The following STXBP5 variants were observed in gnomAD, a reference collection of about 807,000 sequenced individuals.
STXBP5 encodes syntaxin-binding protein 5.
STXBP5 carries 50 observed loss-of-function variants against 152.4 expected under a neutral mutation model. The ratio of observed to expected loss-of-function variants is 0.33; its 90% confidence interval spans 0.26 to 0.42. STXBP5 has a LOEUF of 0.42. STXBP5 is among the 10% of genes least tolerant of loss of function. The pLI, the probability that STXBP5 is intolerant of heterozygous loss-of-function variation, is 1.00. For missense variants in STXBP5, 1,167 were observed against 1,388.6 expected (o/e 0.84, Z 2.54); for synonymous variants, 492 against 494.7 (o/e 0.99, Z 0.07).
intron 11 of STXBP5, 68 bp downstream of exon 11, chr6:147,311,595 C>CTA: frequency 8.4e-7 from 1 of 1,195,312 alleles, no homozygotes; most frequent in Non-Finnish European, 1.2e-6. Context: ...TTTATCATAG[C>CTA]ATTAGCTATT....
At chr6:147,380,155 G>A (rs1786006614) in intron 26 of STXBP5, among the ~76,000 whole-genome samples, 1 of 137,292 alleles carries the variant, frequency 7.3e-6, no homozygotes, top group Non-Finnish European at 1.6e-5. Flanking sequence ...AAAATACAAA[G>A]AATTCAAAAT....
At chr6:147,255,156 G>C (rs1381268172) in intron 4 of STXBP5, among the ~76,000 whole-genome samples, 2 of 152,224 alleles carry the variant, frequency 1.3e-5, no homozygotes, top group African/African-American at 4.8e-5. Context: ...ATGAGATCAT[G>C]TCCTTTGCAG....
At position 147,292,139 on chromosome 6, in the gene STXBP5, C is replaced by T. The variant is rs1035499122; in HGVS notation, c.917+967C>T. ...TATAACCACTGGATATTACAACTGG[C>T]CCACTCACTTTTTAATCTCCCCTCC... On this transcript the variant is annotated intron_variant, in intron 9 of 27. Transcript: ENST00000321680. The T allele has an allele frequency of 1.8e-5, 7 of 385,746 alleles. No homozygotes were observed. The Admixed American group carries it at 1.9e-4, about 11-fold the overall frequency. 23.9% of individuals were successfully genotyped at this position (385,746 alleles called of 1,614,324 possible).
At chr6:147,284,102 T>G (rs969199464) in intron 8 of STXBP5, among the ~76,000 whole-genome samples, 1 of 152,168 alleles carries the variant, frequency 6.6e-6, no homozygotes, top group African/African-American at 2.4e-5. Flanking sequence ...AATTGAGATA[T>G]TTTATTCTTT....
chr6:147,273,739 C>T (rs2128339006), intron 7 of STXBP5, among the ~76,000 whole-genome samples: 1 of 152,196 alleles, frequency 6.6e-6, no homozygotes, highest in Admixed American at 6.5e-5. Flanking sequence ...ATCACGAGGT[C>T]AGGAGATCGA....
chr6:147,380,347 T>C (rs1393607279), intron 26 of STXBP5, among the ~76,000 whole-genome samples: 1 of 151,290 alleles, frequency 6.6e-6, no homozygotes, highest in East Asian at 1.9e-4. Flanking sequence ...AATAAGCTTA[T>C]ACATTTATGG....
chr6:147,320,230 T>C (rs749631318), intron 16 of STXBP5, among the ~76,000 whole-genome samples: 3 of 152,132 alleles, frequency 2.0e-5, no homozygotes, highest in Non-Finnish European at 2.9e-5. Flanking sequence ...AGATGCCAAC[T>C]AGCACAAGAG....
intron 25 of STXBP5, among the ~76,000 whole-genome samples, chr6:147,367,499 G>A (rs978919787): frequency 2.6e-5 from 4 of 152,170 alleles, no homozygotes; most frequent in South Asian, 2.1e-4. Flanking sequence ...TTAGCCGGGC[G>A]TGGTGGTGGG....
intron 26 of STXBP5, 106 bp from the exon 27 acceptor site, chr6:147,382,672 G>A (rs1786146290): frequency 9.0e-7 from 1 of 1,106,896 alleles, no homozygotes; most frequent in South Asian, 1.5e-5. Context: ...TTTTATTTCA[G>A]TTGTATTACC....
At chr6:147,356,749 T>C (rs758183462) in intron 22 of STXBP5, among the ~76,000 whole-genome samples, 1 of 152,140 alleles carries the variant, frequency 6.6e-6, no homozygotes, top group Non-Finnish European at 1.5e-5. Flanking sequence ...AAAAAACTTC[T>C]TGTAAGGTGT....
chr6:147,373,939 C>G, intron 26 of STXBP5, 97 bp downstream of exon 26: 1 of 679,912 alleles, frequency 1.5e-6, no homozygotes, highest in Admixed American at 2.9e-5. Context: ...CACTTTTTTT[C>G]TCTTTGTCAC....
Position 147,267,186 on chromosome 6 carries a change from G to T in STXBP5, c.714+19G>T. ...TGATGAGGTAATATTATTTTTGCTA[G>T]TAAAAGCTATGGTCATTTCTCTCAT... On this transcript the variant is annotated intron_variant, in intron 7 of 27. Coordinates refer to ENST00000321680, the MANE Select transcript of STXBP5 (RefSeq NM_001127715.4). 1 of 1,573,834 alleles carries T rather than the reference G, an allele frequency of 6.4e-7. No individual in the cohort carries two copies. Among genetic ancestry groups the T allele is most frequent in the Non-Finnish European group, 8.6e-7 (1 of 1,164,124 alleles).
chr6:147,317,337 T>A (rs536219187), intron 16 of STXBP5, among the ~76,000 whole-genome samples: 1 of 152,304 alleles, frequency 6.6e-6, no homozygotes, highest in South Asian at 2.1e-4. Context: ...TTTTTTTATA[T>A]TACAATCATT....
At chr6:147,345,999 C>A (rs920702817) in intron 21 of STXBP5, among the ~76,000 whole-genome samples, 5 of 152,162 alleles carry the variant, frequency 3.3e-5, no homozygotes, top group Non-Finnish European at 7.3e-5. Context: ...CTCTCTGAGA[C>A]TAGTTTTCCT....
chr6:147,381,019 A>C (rs1421423963), intron 26 of STXBP5, among the ~76,000 whole-genome samples: 1 of 152,178 alleles, frequency 6.6e-6, no homozygotes, highest in African/African-American at 2.4e-5. Flanking sequence ...ACATGGCAGC[A>C]GGCAAGAGAG....
At chr6:147,359,957 A>C (rs1163753459) in intron 23 of STXBP5, among the ~76,000 whole-genome samples, 5 of 152,150 alleles carry the variant, frequency 3.3e-5, no homozygotes, top group African/African-American at 1.2e-4. Context: ...CAAGAAAAAA[A>C]CAAACAACCC....
chr6:147,240,619 G>T (rs1169043529), intron 4 of STXBP5, among the ~76,000 whole-genome samples: 2 of 152,218 alleles, frequency 1.3e-5, no homozygotes, highest in Non-Finnish European at 2.9e-5. Flanking sequence ...GTTAAAACCT[G>T]TTGACAATAA....
chr6:147,377,269 A>G (rs375989677), intron 26 of STXBP5, among the ~76,000 whole-genome samples: 188 of 152,334 alleles, frequency 1.2e-3, no homozygotes, highest in African/African-American at 4.3e-3. Flanking sequence ...ATTTATGACC[A>G]TTGGTATGCA....
chr6:147,284,031 A>G (rs1477533908), intron 8 of STXBP5, among the ~76,000 whole-genome samples: 2 of 152,256 alleles, frequency 1.3e-5, no homozygotes, highest in African/African-American at 4.8e-5. Context: ...ACTAATTTTA[A>G]TAACATATTC....
Sources: allele counts gnomAD v4.1 joint callset (sites outside exome capture counted in the v4.1 genomes callset), GRCh38; gene constraint gnomAD v4.1.1; transcripts MANE v1.5; gene names NCBI Gene and HGNC (gene_info 2026-07-23, HGNC 2026-07-21).